TTC27: variants seen among roughly 807,000 people sequenced by gnomAD.
TTC27 encodes the protein tetratricopeptide repeat protein 27.
In TTC27, 79 loss-of-function variants were observed where a neutral mutation model predicts 115.9. That is an observed-to-expected ratio of 0.68 (90% CI 0.57 to 0.82). The LOEUF (loss-of-function observed/expected upper bound fraction) is 0.82. Ranked by LOEUF, TTC27 falls within the 40% of genes least tolerant of loss-of-function variation. The pLI, the probability that TTC27 is intolerant of heterozygous loss-of-function variation, is 0.00. For missense variants in TTC27, 1,054 were observed against 993.1 expected, an observed-to-expected ratio of 1.06 and a Z score of -0.82; for synonymous variants, 401 against 356.0, an observed-to-expected ratio of 1.13 and a Z score of -1.42.
At chr2:32,695,104 T>C (rs946831068) in intron 9 of TTC27, among the ~76,000 whole-genome samples, 1 of 152,226 alleles carries the variant, frequency 6.6e-6, no homozygotes, top group Non-Finnish European at 1.5e-5. Flanking sequence ...TTAAGTACAT[T>C]CACAGTGTTG....
chr2:32,774,195 T>C (rs1669920976), intron 13 of TTC27, among the ~76,000 whole-genome samples: 1 of 151,764 alleles, frequency 6.6e-6, no homozygotes, highest in African/African-American at 2.4e-5. Flanking sequence ...TTTTTTTTTT[T>C]TTTTGAGACA....
chr2:32,691,447 C>T (rs1485303239), intron 9 of TTC27, among the ~76,000 whole-genome samples: 8 of 151,804 alleles, frequency 5.3e-5, no homozygotes, highest in Non-Finnish European at 7.4e-5. Context: ...TACAGGCACA[C>T]GCCACTGCAC....
At chr2:32,818,998 T>G (rs898584915) in intron 19 of TTC27, among the ~76,000 whole-genome samples, 1 of 152,186 alleles carries the variant, frequency 6.6e-6, no homozygotes, top group African/African-American at 2.4e-5. Flanking sequence ...AAGAGCCCCC[T>G]CAAAGTCAGA....
chr2:32,791,503 A>G (rs961305985), intron 16 of TTC27, among the ~76,000 whole-genome samples: 9 of 152,186 alleles, frequency 5.9e-5, no homozygotes, highest in African/African-American at 1.9e-4. Flanking sequence ...TTTATAGTTG[A>G]TTAATATGAA....
At chr2:32,681,527 T>A (rs73922775) in intron 9 of TTC27, among the ~76,000 whole-genome samples, 21,569 of 152,120 alleles carry the variant, frequency 0.14, 1,759 homozygotes, top group South Asian at 0.34. Flanking sequence ...AGTTTGGCGA[T>A]TTTTTGAATT....
Position 32,640,465 on chromosome 2 carries a change from C to T in TTC27, c.537+55C>T. ...CTGGTATGACTTTTGTGCTTATTAACACCAGGCTGTAGATGTGTTGCTGAC... is the reference window on the plus strand; with the variant it reads ...CTGGTATGACTTTTGTGCTTATTAATACCAGGCTGTAGATGTGTTGCTGAC... On this transcript the variant is annotated intron_variant, in intron 4 of 19. Transcript: ENST00000317907. 2.6e-6 allele frequency: 4 copies of T among 1,545,488 alleles called. 1 individual carries two copies. The South Asian group carries it at 3.5e-5, about 13-fold the overall frequency.
intron 12 of TTC27, among the ~76,000 whole-genome samples, chr2:32,745,026 A>C (rs1196450210): frequency 3.1e-5 from 4 of 127,868 alleles, no homozygotes; most frequent in African/African-American, 1.2e-4. Context: ...CCAGCCTGCC[A>C]GCCTGGGCAA....
At chr2:32,680,327 A>T (rs1311064338) in intron 9 of TTC27, among the ~76,000 whole-genome samples, 1 of 152,232 alleles carries the variant, frequency 6.6e-6, no homozygotes, top group Non-Finnish European at 1.5e-5. Context: ...ATATATATCT[A>T]CTAAATAATA....
intron 16 of TTC27, among the ~76,000 whole-genome samples, chr2:32,806,854 TTAAA>T (rs551762079): frequency 7.2e-4 from 110 of 152,358 alleles, no homozygotes; most frequent in African/African-American, 2.0e-3. Context: ...ATTAATGTAC[TTAAA>T]TAACACTACA....
chr2:32,648,001 A>G (rs76081034), intron 4 of TTC27, among the ~76,000 whole-genome samples: 5,760 of 152,326 alleles, frequency 0.038, 147 homozygotes, highest in South Asian at 0.076. Context: ...ACTTGTACAC[A>G]TGTACATATA....
At chr2:32,728,431 A>G (rs557176195) in intron 10 of TTC27, among the ~76,000 whole-genome samples, 1 of 151,548 alleles carries the variant, frequency 6.6e-6, no homozygotes, top group South Asian at 2.1e-4. Flanking sequence ...CCCAGTTCCT[A>G]CCAACCCATA....
chr2:32,751,664 T>TG (rs953895547), intron 12 of TTC27, among the ~76,000 whole-genome samples: 23 of 152,160 alleles, frequency 1.5e-4, no homozygotes, highest in Non-Finnish European at 2.9e-5. Flanking sequence ...CCTAAGAAGA[T>TG]GGGGTATTTC....
At position 32,801,213 on chromosome 2, in the gene TTC27, A is replaced by G. The variant is rs143336732; in HGVS notation, c.1999-9811A>G. On this transcript the variant is annotated intron_variant, in intron 16 of 19. Transcript: ENST00000317907. ...AATGCAATGTTAGTTTTCTAGGGCT[A>G]CAATAACAAATTACCACAAACTTGC... is the stretch of plus-strand genomic sequence containing the variant. 5.4e-3 allele frequency among the ~76,000 whole-genome samples: 822 copies of G among 152,326 alleles called. 9 individuals carry two copies. Among genetic ancestry groups the G allele is most frequent in the African/African-American group, 0.019 (778 of 41,590 alleles).
chr2:32,818,004 C>T (rs890775270), intron 19 of TTC27, among the ~76,000 whole-genome samples: 42 of 151,940 alleles, frequency 2.8e-4, no homozygotes, highest in Non-Finnish European at 4.7e-4. Flanking sequence ...TTGCAGTGAG[C>T]CGAAATTGCA....
intron 16 of TTC27, among the ~76,000 whole-genome samples, chr2:32,798,704 C>CAAAAAAAAAA (rs1168987401): frequency 5.3e-4 from 64 of 121,160 alleles, no homozygotes; most frequent in African/African-American, 2.1e-3. Flanking sequence ...GACTCCAGCT[C>CAAAAAAAAAA]AAAAAAAAAA....
At chr2:32,813,781 C>A (rs1671394034) in intron 18 of TTC27, among the ~76,000 whole-genome samples, 1 of 152,184 alleles carries the variant, frequency 6.6e-6, no homozygotes, top group Admixed American at 6.6e-5. Flanking sequence ...CCTTTGATAT[C>A]TTTGACCTAA....
chr2:32,778,608 C>G (rs191998185), intron 14 of TTC27, among the ~76,000 whole-genome samples: 9 of 152,236 alleles, frequency 5.9e-5, no homozygotes, highest in African/African-American at 2.2e-4. Context: ...TTTGTGGGCT[C>G]TTGTGACTGG....
intron 13 of TTC27, among the ~76,000 whole-genome samples, chr2:32,777,563 A>G (rs1020740306): frequency 2.0e-5 from 3 of 152,146 alleles, no homozygotes; most frequent in South Asian, 2.1e-4. Flanking sequence ...TTTTTCTCCA[A>G]TATTTTCACT....
chr2:32,666,696 A>G lies in TTC27; in HGVS notation c.867A>G (p.Val289=). The G allele has an allele frequency of 1.2e-6, 2 of 1,614,096 alleles. No homozygotes were observed. Among genetic ancestry groups the G allele is most frequent in the Non-Finnish European group, 1.7e-6 (2 of 1,179,978 alleles). ...ATGTGGCACAACTGATTCTAGATGT[A>G]AGAAGGGAAGGGGATGTCCTTTCAA... ...ENYVAQLILD[V]RREGDVLSNC... is the part of the protein sequence containing the mutation. The change falls in exon 7 of 20, where the codon GTA becomes GTG. Residue 289 remains valine (V), a synonymous_variant. Transcript: ENST00000317907.
Sources: allele counts gnomAD v4.1 joint callset (sites outside exome capture counted in the v4.1 genomes callset), GRCh38; gene constraint gnomAD v4.1.1; transcripts MANE v1.5; gene names NCBI Gene and HGNC (gene_info 2026-07-23, HGNC 2026-07-21).